The following CERS1 variants were observed in gnomAD, a reference collection of about 807,000 sequenced individuals.
CERS1 encodes Embryonic growth/differentiation factor 1.
CERS1 carries 16 observed loss-of-function variants against 35.7 expected under a neutral mutation model. That is an observed-to-expected ratio of 0.45 (90% confidence interval 0.30 to 0.68). The LOEUF is 0.68. Among genes scored for constraint, CERS1 ranks in the 30% least tolerant of loss-of-function variants. The probability of loss-of-function intolerance (pLI) is 0.08; values close to 1 mark genes in which losing one functional copy is unlikely to be tolerated. For synonymous variants in CERS1, 243 were observed against 201.6 expected (o/e 1.21, Z -1.74); for missense variants, 454 against 453.9 (o/e 1.00, Z 0.00).
rs544810084 is a variant in CERS1 at position 18,876,157 on chromosome 19, C to T, written c.1010+2773G>A. On this transcript the variant is annotated intron_variant, in intron 6 of 7. Transcript: ENST00000623882. Reference sequence around the variant, plus strand: ...GCGCCATCATGCCTGGATAATTTTTCGTATTTTTAGTAGAGATGGGGTTTC... The same window carrying T: ...GCGCCATCATGCCTGGATAATTTTTTGTATTTTTAGTAGAGATGGGGTTTC... 2.6e-5 allele frequency among the ~76,000 whole-genome samples: 4 copies of T among 151,186 alleles called. No homozygotes were observed. In the East Asian group the frequency reaches 5.9e-4, roughly 22 times the overall value.
chr19:18,873,381 G>C (rs1301429420), intron 6 of CERS1, among the ~76,000 whole-genome samples: 1 of 151,988 alleles, frequency 6.6e-6, no homozygotes, highest in Non-Finnish European at 1.5e-5. Flanking sequence ...CAGAGAGACA[G>C]AGCAGGAGTG....
intron 6 of CERS1, among the ~76,000 whole-genome samples, chr19:18,877,555 C>T (rs2056080455): frequency 1.3e-5 from 2 of 152,036 alleles, no homozygotes; most frequent in African/African-American, 4.8e-5. Context: ...TGTTTGAGAC[C>T]AGCCTGAGCA....
At chr19:18,869,923 A>G in intron 7 of CERS1, 60 bp downstream of exon 7, 1 of 1,503,390 alleles carries the variant, frequency 6.7e-7, no homozygotes, top group South Asian at 1.2e-5. Context: ...GCCACTCTCG[A>G]GGCTCGCCCT....
intron 6 of CERS1, among the ~76,000 whole-genome samples, chr19:18,873,391 G>A (rs534854518): frequency 8.6e-5 from 13 of 151,892 alleles, no homozygotes; most frequent in Non-Finnish European, 1.8e-4. Flanking sequence ...GAGCAGGAGT[G>A]CAGAGTAAAT....
At position 18,893,430 on chromosome 19, in the gene CERS1, G is replaced by T. The variant is rs376346732; in HGVS notation, c.395C>A (p.Pro132Gln). 2.5e-6 allele frequency: 4 copies of T among 1,604,688 alleles called. No homozygotes were observed. Among genetic ancestry groups the T allele is most frequent in the Admixed American group, 3.4e-5 (2 of 58,526 alleles). Reference sequence around the variant, plus strand: ...AGGGCCCCTACCGTAGAAGACAGATGGTGGGTCATGGAAGAAGGGGTAGTC... The same window carrying T: ...AGGGCCCCTACCGTAGAAGACAGATTGTGGGTCATGGAAGAAGGGGTAGTC... ...GTDYPFFHDP[P>Q]SVFYDWTPGM... Residue 132 changes from proline (P) to glutamine (Q), a missense_variant, in exon 2 of 8, where the codon CCA (proline) becomes CAA (glutamine). By Grantham distance (76) the Pro-to-Gln change is moderately conservative (BLOSUM62 -1). Transcript: ENST00000623882.
intron 1 of CERS1, among the ~76,000 whole-genome samples, chr19:18,894,502 A>G (rs559876302): frequency 7.2e-4 from 110 of 152,014 alleles, no homozygotes; most frequent in African/African-American, 2.6e-3. Flanking sequence ...CGAGCACCCC[A>G]CCCAAGGGGC....
chr19:18,888,251 C>T (rs1031522017), intron 2 of CERS1, among the ~76,000 whole-genome samples: 8 of 151,904 alleles, frequency 5.3e-5, no homozygotes, highest in South Asian at 2.1e-4. Context: ...CCCAGCTATT[C>T]GGGAGGCTGA....
At chr19:18,889,940 T>A (rs1315543583) in intron 2 of CERS1, among the ~76,000 whole-genome samples, 1 of 152,184 alleles carries the variant, frequency 6.6e-6, no homozygotes, top group African/African-American at 2.4e-5. Flanking sequence ...TTTCTAAAAT[T>A]GGCCACTTTG....
At chr19:18,887,713 C>T (rs2056394643) in intron 2 of CERS1, among the ~76,000 whole-genome samples, 1 of 145,844 alleles carries the variant, frequency 6.9e-6, no homozygotes, top group African/African-American at 2.5e-5. Context: ...CACTGCACTC[C>T]AGCCTGGGCA....
In CERS1 at chr19:18,880,394, A is replaced by T; in HGVS notation, c.632T>A (p.Ile211Asn). The T allele has an allele frequency of 6.3e-7, 1 of 1,587,694 alleles. No homozygotes were observed. The highest frequency in any genetic ancestry group is 8.6e-7 in the Non-Finnish European group (1 of 1,167,246). ...GGTGAACTCAAGCTGCACGTCACTG[A>T]TATCGTGCAGGAAGAGCACAAGGAT... ...VGILVLFLHDISDVQLEFTKL... is the reference protein window; with the variant it reads ...VGILVLFLHDNSDVQLEFTKL... Residue 211 changes from isoleucine to asparagine, a missense_variant, in exon 4 of 8, where the codon ATC (isoleucine) becomes AAC (asparagine). Ile to Asn is a moderately radical substitution (Grantham distance 149, BLOSUM62 -3). Coordinates refer to ENST00000623882, the MANE Select transcript of CERS1 (RefSeq NM_021267.5).
Position 18,880,444 on chromosome 19 carries a change from G to C in CERS1, c.591-9C>G. ...TGCCCACATTGTGGTACCTGGGGGA[G>C]CAGCAGGCAGAGAGGAGAGGGCAGC... On this transcript the variant is annotated splice_polypyrimidine_tract_variant and intron_variant, in intron 3 of 7. Coordinates refer to ENST00000623882, the MANE Select transcript of CERS1 (RefSeq NM_021267.5). The C allele has an allele frequency of 6.3e-7, 1 of 1,575,400 alleles. No homozygotes were observed. Among genetic ancestry groups the C allele is most frequent in the African/African-American group, 1.3e-5 (1 of 74,410 alleles).
At chr19:18,871,500 G>T (rs953940673) in intron 6 of CERS1, among the ~76,000 whole-genome samples, 1 of 152,144 alleles carries the variant, frequency 6.6e-6, no homozygotes, top group Non-Finnish European at 1.5e-5. Flanking sequence ...GGGATTACAG[G>T]CGTGAGCCAC....
intron 3 of CERS1, among the ~76,000 whole-genome samples, chr19:18,882,786 G>A (rs1351221842): frequency 1.3e-5 from 2 of 151,834 alleles, no homozygotes; most frequent in African/African-American, 4.8e-5. Context: ...TCCGCCTCCC[G>A]GGTTCATGCC....
chr19:18,869,876 C>G lies in CERS1; in HGVS notation c.*594+107G>C, dbSNP rs1344512700. 4 of 1,096,150 alleles carry G rather than the reference C, an allele frequency of 3.6e-6. No individual in the cohort carries two copies. The African/African-American group carries it at 6.2e-5, about 17-fold the overall frequency. The allele number at this position is 1,096,150 out of a possible 1,614,324, so 67.9% of individuals were successfully genotyped here. ...GAAGTTGCTAGTAGCCTGGACAGGG[C>G]GGGTGGGGACCCTCGGAGCTGCTCG... is the stretch of plus-strand genomic sequence containing the variant. On this transcript the variant is annotated intron_variant, in intron 7 of 7. Coordinates refer to ENST00000623882, the MANE Select transcript of CERS1 (RefSeq NM_021267.5).
Position 18,895,937 on chromosome 19 carries a change from G to C in CERS1, c.136C>G (p.Arg46Gly). 1 of 1,185,380 alleles carries C rather than the reference G, an allele frequency of 8.4e-7. No homozygotes were observed. The highest frequency in any genetic ancestry group is 1.0e-6 in the Non-Finnish European group (1 of 957,228). 73.4% of individuals were successfully genotyped at this position (1,185,380 alleles called of 1,614,324 possible). A position where few individuals can be genotyped will look rare whatever the true frequency, so the allele number is the denominator to read the frequency against. The change falls in exon 1 of 8, where the codon CGT becomes GGT. Residue 46 changes from arginine to glycine, a missense_variant. Coordinates refer to ENST00000623882, the MANE Select transcript of CERS1 (RefSeq NM_021267.5). This position sits in a 1 kb window ranked among gnomAD's most constrained non-coding sequence, Gnocchi z 6.4. ...GCTDCGWGLA[R>G]RGLAEHAHLA... ...TGCGCGTGCTCAGCCAGGCCGCGACGCGCCAGCCCCCAGCCGCAGTCCGTG... is the reference window on the plus strand; with the variant it reads ...TGCGCGTGCTCAGCCAGGCCGCGACCCGCCAGCCCCCAGCCGCAGTCCGTG...
chr19:18,887,832 C>T (rs776926445), intron 2 of CERS1, among the ~76,000 whole-genome samples: 4 of 151,994 alleles, frequency 2.6e-5, no homozygotes, highest in Non-Finnish European at 4.4e-5. Flanking sequence ...ATTGTGCAAC[C>T]ATCACCAGCA....
rs992669308 is a variant in CERS1 at position 18,870,209 on chromosome 19, T to TGGGGGCAC, written c.*360_*367dup. ...CCTGGAGCAGGGCGGCGGCTGGGCC[T>TGGGGGCAC]GGGGGCACGGGGGCGCGGGTCAGGG... On this transcript the variant is annotated 3_prime_UTR_variant, in exon 7 of 8. Coordinates refer to ENST00000623882, the MANE Select transcript of CERS1 (RefSeq NM_021267.5). The surrounding 1 kb of genome is among the most constrained non-coding windows in gnomAD (Gnocchi z 5.1). 5.1e-6 allele frequency: 8 copies of TGGGGGCAC among 1,557,618 alleles called. No homozygotes were observed. Among genetic ancestry groups the TGGGGGCAC allele is most frequent in the East Asian group, 2.3e-5 (1 of 43,260 alleles).
chr19:18,875,253 A>G (rs1870567782), intron 6 of CERS1, among the ~76,000 whole-genome samples: 1 of 151,118 alleles, frequency 6.6e-6, no homozygotes, highest in African/African-American at 2.4e-5. Context: ...AAAAAAAGAA[A>G]GAAAGAAACA....
At chr19:18,881,408 C>T (rs1403642528) in intron 3 of CERS1, among the ~76,000 whole-genome samples, 2 of 151,860 alleles carry the variant, frequency 1.3e-5, no homozygotes, top group Non-Finnish European at 2.9e-5. Flanking sequence ...TTAGTAGAGA[C>T]GGGGTTTCAC....
Sources: gnomAD v4.1 joint callset for allele counts (sites outside exome capture counted in the v4.1 genomes callset) on GRCh38, gnomAD v4.1.1 for gene constraint, Gnocchi (gnomAD v3.1) non-coding constraint, MANE v1.5 for transcripts, NCBI Gene and HGNC (gene_info 2026-07-23, HGNC 2026-07-21) for gene names.